The following DCP2 variants were observed in gnomAD, a reference collection of about 807,000 sequenced individuals.
DCP2 encodes m7GpppN-mRNA hydrolase.
Under a neutral mutation model 56.1 loss-of-function variants are expected in DCP2, and 30 were observed. The observed-to-expected ratio is 0.53, with a 90% confidence interval of 0.40 to 0.73. The LOEUF is 0.73. DCP2 is among the 30% of genes least tolerant of loss of function. The pLI is 0.00. For synonymous variants in DCP2, 197 were observed against 163.3 expected (o/e 1.21, Z -1.57); for missense variants, 533 against 502.7 (o/e 1.06, Z -0.58).
Position 113,015,055 on chromosome 5 carries a change from G to A in DCP2, c.*1571G>A, listed in dbSNP as rs1214512426. 1 of 152,632 alleles carries A rather than the reference G, an allele frequency of 6.6e-6. No individual in the cohort carries two copies. Among genetic ancestry groups the A allele is most frequent in the Non-Finnish European group, 1.5e-5 (1 of 68,032 alleles). The allele number at this position is 152,632 out of a possible 1,614,324, so 9.5% of individuals were successfully genotyped here. ...CAGGAGAATTCACAATTAAAGCAGT[G>A]TGTATAGAATTATGATATTCAGAAT... On this transcript the variant is annotated 3_prime_UTR_variant, in exon 11 of 11. Transcript: ENST00000389063.
At chr5:113,010,733 G>GTTT in intron 9 of DCP2, 23 bp from the exon 10 acceptor site, 1 of 1,341,774 alleles carries the variant, frequency 7.5e-7, no homozygotes. Context: ...GTGTGTGTGT[G>GTTT]TGTTTTTTTT....
intron 1 of DCP2, among the ~76,000 whole-genome samples, chr5:112,985,370 GCTTTTT>G (rs1243906347): frequency 6.6e-6 from 1 of 152,158 alleles, no homozygotes; most frequent in African/African-American, 2.4e-5. Context: ...TGCAGGTGAG[GCTTTTT>G]GGGAAGTCCT....
intron 4 of DCP2, 89 bp downstream of exon 4, chr5:112,992,859 T>C: frequency 2.1e-6 from 2 of 944,574 alleles, no homozygotes; most frequent in African/African-American, 1.7e-5. Flanking sequence ...TTCTTTGGAC[T>C]GTCTTAACCC....
Position 113,014,679 on chromosome 5 carries a change from G to T in DCP2, c.*1195G>T, listed in dbSNP as rs1561709090. The stretch of plus-strand genomic sequence containing the variant: ...GCTATAACTGAGGACAATCACCAGG[G>T]CGTTAAGGGGGCTTTAGTGTTTTGG... On this transcript the variant is annotated 3_prime_UTR_variant, in exon 11 of 11. Coordinates refer to ENST00000389063, the MANE Select transcript of DCP2 (RefSeq NM_152624.6). 1 of 152,646 alleles carries T rather than the reference G, an allele frequency of 6.6e-6. No individual in the cohort carries two copies. Among genetic ancestry groups the T allele is most frequent in the Non-Finnish European group, 1.5e-5 (1 of 68,056 alleles). 9.5% of individuals were successfully genotyped at this position (152,646 alleles called of 1,614,324 possible).
chr5:112,995,111 C>G (rs1359277071), intron 4 of DCP2, among the ~76,000 whole-genome samples: 1 of 152,022 alleles, frequency 6.6e-6, no homozygotes, highest in East Asian at 1.9e-4. Flanking sequence ...GTAATAGAAT[C>G]AAAAAATGAT....
At chr5:112,990,931 T>C (rs1410511711) in intron 2 of DCP2, among the ~76,000 whole-genome samples, 3 of 152,238 alleles carry the variant, frequency 2.0e-5, no homozygotes, top group African/African-American at 7.2e-5. Context: ...ATGAATATAA[T>C]GCCGACTTCT....
At chr5:112,981,802 T>G (rs1271954536) in intron 1 of DCP2, among the ~76,000 whole-genome samples, 1 of 152,216 alleles carries the variant, frequency 6.6e-6, no homozygotes, top group African/African-American at 2.4e-5. Context: ...GACGGAGTCT[T>G]GCTCGTTTGC....
chr5:113,009,465 T>A (rs1423571266), intron 9 of DCP2, among the ~76,000 whole-genome samples: 1 of 152,178 alleles, frequency 6.6e-6, no homozygotes, highest in African/African-American at 2.4e-5. Context: ...TTGGCAAAGA[T>A]GAAAAGAAGT....
Position 112,993,156 on chromosome 5 carries a change from T to A in DCP2, c.432+386T>A, listed in dbSNP as rs115776929. 7.0e-3 allele frequency among the ~76,000 whole-genome samples: 1,060 copies of A among 152,312 alleles called. 10 individuals carry two copies. The highest frequency in any genetic ancestry group is 0.024 in the African/African-American group (981 of 41,564). On this transcript the variant is annotated intron_variant, in intron 4 of 10. Transcript: ENST00000389063. ...TTTGGGATTTTCTAAGAAGTTGACA[T>A]TTGTTGCTGAAAACCCAGTAAGGCT...
At chr5:112,981,290 G>A (rs1272030531) in intron 1 of DCP2, among the ~76,000 whole-genome samples, 1 of 152,000 alleles carries the variant, frequency 6.6e-6, no homozygotes, top group Non-Finnish European at 1.5e-5. Context: ...GATTACAGGT[G>A]TGAACTACCA....
chr5:112,983,231 C>T (rs33551), intron 1 of DCP2, among the ~76,000 whole-genome samples: 78,284 of 151,980 alleles, frequency 0.52, 20,936 homozygotes, highest in African/African-American at 0.66. Flanking sequence ...AGAAAATAGA[C>T]TACTTGGTTC....
Position 113,017,811 on chromosome 5 carries a change from C to CAT in DCP2, c.*4336_*4337dup, listed in dbSNP as rs1050970231. On this transcript the variant is annotated 3_prime_UTR_variant, in exon 11 of 11. Coordinates refer to ENST00000389063, the MANE Select transcript of DCP2 (RefSeq NM_152624.6). The stretch of plus-strand genomic sequence containing the variant: ...ATTGCATGGCCTAAGTGTAGTCATT[C>CAT]ATATATATATGAATATCTATATCTA... 7 of 152,230 alleles carry CAT rather than the reference C, an allele frequency of 4.6e-5. No homozygotes were observed. The highest frequency in any genetic ancestry group is 1.7e-4 in the African/African-American group (7 of 41,526). 9.4% of individuals were successfully genotyped at this position (152,230 alleles called of 1,614,324 possible). A position where few individuals can be genotyped will look rare whatever the true frequency, so the allele number is the denominator to read the frequency against.
rs1000739850 is a variant in DCP2 at position 112,976,798 on chromosome 5, C to T, written c.-136C>T. The T allele has an allele frequency of 4.5e-6, 4 of 896,958 alleles. No homozygotes were observed. The East Asian group carries it at 9.6e-5, about 22-fold the overall frequency. 55.6% of individuals were successfully genotyped at this position (896,958 alleles called of 1,614,324 possible). The stretch of plus-strand genomic sequence containing the variant: ...TGAGCGGGTCCCGCCCCTTCCCCTT[C>T]TCGTCTCCGTTGGAGTCGTCTCTGC... On this transcript the variant is annotated 5_prime_UTR_variant, in exon 1 of 11. Transcript: ENST00000389063.
At chr5:113,000,183 C>T (rs902885944) in intron 4 of DCP2, among the ~76,000 whole-genome samples, 2 of 151,994 alleles carry the variant, frequency 1.3e-5, no homozygotes, top group Non-Finnish European at 2.9e-5. Flanking sequence ...GTCTCGAACA[C>T]CTGGGCTCAA....
intron 4 of DCP2, among the ~76,000 whole-genome samples, chr5:112,998,163 A>T (rs1375593857): frequency 6.6e-6 from 1 of 152,182 alleles, no homozygotes; most frequent in Non-Finnish European, 1.5e-5. Flanking sequence ...CTGTTTTATC[A>T]CTTTTAGAAT....
At chr5:112,999,273 AATAACT>A in intron 4 of DCP2, among the ~76,000 whole-genome samples, 1 of 152,250 alleles carries the variant, frequency 6.6e-6, no homozygotes, top group African/African-American at 2.4e-5. Flanking sequence ...AGCTAAAGAA[AATAACT>A]ATAAAACTAG....
chr5:113,001,887 TA>T (rs112379885), intron 7 of DCP2, among the ~76,000 whole-genome samples: 27 of 152,278 alleles, frequency 1.8e-4, no homozygotes, highest in African/African-American at 6.3e-4. Context: ...AGGCACCTTT[TA>T]AAATAGTATA....
At position 113,003,963 on chromosome 5, in the gene DCP2, T is replaced by G. The variant is rs776200136; in HGVS notation, c.828T>G (p.Ser276Arg). 21 of 1,614,052 alleles carry G rather than the reference T, an allele frequency of 1.3e-5. No homozygotes were observed. In the East Asian group the frequency reaches 4.7e-4, roughly 36 times the overall value. ...EKLSRTKFRHSQQLFPDGSPG... is the reference protein window; with the variant it reads ...EKLSRTKFRHRQQLFPDGSPG... ...GTAGTCGAACCAAATTCCGCCACAGTCAGCAGTTATTTCCTGACGGTTCTC... is the reference window on the plus strand; with the variant it reads ...GTAGTCGAACCAAATTCCGCCACAGGCAGCAGTTATTTCCTGACGGTTCTC... Residue 276 changes from serine to arginine, a missense_variant, in exon 8 of 11, where the codon AGT becomes AGG. Coordinates refer to ENST00000389063, the MANE Select transcript of DCP2 (RefSeq NM_152624.6).
rs1247232388 is a variant in DCP2 at position 113,015,632 on chromosome 5, C to T, written c.*2148C>T. 1.3e-5 allele frequency: 2 copies of T among 152,578 alleles called. No homozygotes were observed. Among genetic ancestry groups the T allele is most frequent in the African/African-American group, 2.4e-5 (1 of 41,426 alleles). 9.5% of individuals were successfully genotyped at this position (152,578 alleles called of 1,614,324 possible). A position where few individuals can be genotyped will look rare whatever the true frequency, so the allele number is the denominator to read the frequency against. On this transcript the variant is annotated 3_prime_UTR_variant, in exon 11 of 11. Coordinates refer to ENST00000389063, the MANE Select transcript of DCP2 (RefSeq NM_152624.6). ...TGTTGGGGTGTGATTATGATAACTT[C>T]AGGCTTTTAGCTCTCCTCAAAGTTT...
Sources: gnomAD v4.1 joint callset for allele counts (sites outside exome capture counted in the v4.1 genomes callset) on GRCh38, gnomAD v4.1.1 for gene constraint, MANE v1.5 for transcripts, NCBI Gene and HGNC (gene_info 2026-07-23, HGNC 2026-07-21) for gene names.